Variants in ERBB4 observed in about 807,000 individuals in gnomAD.
The protein encoded by ERBB4 is receptor tyrosine-protein kinase erbB-4.
Under a neutral mutation model 158.0 loss-of-function variants are expected in ERBB4, and 42 were observed. That is an observed-to-expected ratio of 0.27 (90% confidence interval 0.21 to 0.34). The LOEUF is 0.34. ERBB4 is among the 10% of genes least tolerant of loss of function. The probability of loss-of-function intolerance (pLI) is 1.00; values close to 1 mark genes in which losing one functional copy is unlikely to be tolerated. For synonymous variants in ERBB4, 583 were observed against 558.7 expected, an observed-to-expected ratio of 1.04 and a Z score of -0.61; for missense variants, 1,333 against 1,624.1, an observed-to-expected ratio of 0.82 and a Z score of 3.08.
chr2:211,638,232 G>A (rs1211345800), intron 16 of ERBB4, among the ~76,000 whole-genome samples: 1 of 151,734 alleles, frequency 6.6e-6, no homozygotes, highest in Non-Finnish European at 1.5e-5. Context: ...TTATTACAGT[G>A]ACAGTACCTA....
chr2:212,240,304 T>C (rs1321542916), intron 1 of ERBB4, among the ~76,000 whole-genome samples: 1 of 152,016 alleles, frequency 6.6e-6, no homozygotes, highest in Non-Finnish European at 1.5e-5. Flanking sequence ...AACACACTTA[T>C]TGGAGAGGTG....
intron 2 of ERBB4, among the ~76,000 whole-genome samples, chr2:212,032,098 G>A (rs543620062): frequency 6.6e-6 from 1 of 152,174 alleles, no homozygotes; most frequent in East Asian, 1.9e-4. Flanking sequence ...ATTAATGAAA[G>A]TGTACAATTT....
At chr2:211,616,856 A>G (rs1413929394) in intron 19 of ERBB4, among the ~76,000 whole-genome samples, 1 of 152,116 alleles carries the variant, frequency 6.6e-6, no homozygotes, top group Non-Finnish European at 1.5e-5. Flanking sequence ...TATTTTCTTT[A>G]ACTTTTTTTA....
At chr2:211,672,804 A>C (rs1201344542) in intron 14 of ERBB4, among the ~76,000 whole-genome samples, 1 of 152,180 alleles carries the variant, frequency 6.6e-6, no homozygotes, top group Non-Finnish European at 1.5e-5. Context: ...CCAAAGACAG[A>C]ATTAGTTTTT....
At chr2:212,374,658 G>A (rs1239806304) in intron 1 of ERBB4, among the ~76,000 whole-genome samples, 1 of 151,888 alleles carries the variant, frequency 6.6e-6, no homozygotes, top group African/African-American at 2.4e-5. Context: ...AAGAACTAGA[G>A]TGCCATAAGA....
intron 20 of ERBB4, among the ~76,000 whole-genome samples, chr2:211,509,256 A>T (rs1221030922): frequency 6.6e-6 from 1 of 152,052 alleles, no homozygotes; most frequent in Non-Finnish European, 1.5e-5. Context: ...AACCTAGATG[A>T]TGGGTTGATA....
At chr2:212,119,117 C>T (rs1575660217) in intron 2 of ERBB4, among the ~76,000 whole-genome samples, 1 of 152,080 alleles carries the variant, frequency 6.6e-6, no homozygotes, top group African/African-American at 2.4e-5. Flanking sequence ...ATCCATGCAT[C>T]AACTGTTAAA....
rs2125847098 is a variant in ERBB4, at chr2:211,619,201, G to A, written c.2277C>T (p.Pro759=). 1.2e-6 allele frequency: 2 copies of A among 1,609,450 alleles called. No homozygotes were observed. Among genetic ancestry groups the A allele is most frequent in the South Asian group, 1.1e-5 (1 of 90,998 alleles). ...CATCCATGAACTCCACATTTGCCTT[G>A]GGACCAGTTGTCTCATTAAGAATCT... is the stretch of plus-strand genomic sequence containing the variant. ...AIKILNETTG[P]KANVEFMDEA... Residue 759 remains proline, a synonymous_variant, in exon 19 of 28, where the codon CCC becomes CCT. Coordinates refer to ENST00000342788, the MANE Select transcript of ERBB4 (RefSeq NM_005235.3).
chr2:212,146,196 T>G (rs1336454966), intron 1 of ERBB4, among the ~76,000 whole-genome samples: 1 of 152,244 alleles, frequency 6.6e-6, no homozygotes, highest in African/African-American at 2.4e-5. Flanking sequence ...AAATATTTAG[T>G]GTTTCAGTTA....
chr2:211,527,333 A>G (rs1416708975), intron 20 of ERBB4, among the ~76,000 whole-genome samples: 3 of 152,134 alleles, frequency 2.0e-5, no homozygotes, highest in Non-Finnish European at 4.4e-5. Flanking sequence ...TTTAGCCTAG[A>G]ATAGTATATC....
intron 3 of ERBB4, among the ~76,000 whole-genome samples, chr2:211,848,809 T>C (rs1040354199): frequency 6.6e-6 from 1 of 152,050 alleles, no homozygotes; most frequent in Non-Finnish European, 1.5e-5. Context: ...GTGTAATGCA[T>C]GAATAACAAA....
At chr2:212,336,374 T>A (rs1245471691) in intron 1 of ERBB4, among the ~76,000 whole-genome samples, 1 of 152,040 alleles carries the variant, frequency 6.6e-6, no homozygotes, top group Admixed American at 6.6e-5. Flanking sequence ...GATTTTTCTT[T>A]ACTTTGCCTT....
intron 1 of ERBB4, among the ~76,000 whole-genome samples, chr2:212,386,744 A>G (rs1261692391): frequency 6.6e-6 from 1 of 151,740 alleles, no homozygotes; most frequent in Non-Finnish European, 1.5e-5. Context: ...TAAGCTCACT[A>G]CCCTCCTTGT....
chr2:212,510,155 AAT>A lies in ERBB4; in HGVS notation c.82+28292_82+28293del, dbSNP rs1013903891. Among the ~76,000 whole-genome samples the A allele has an allele frequency of 2.1e-3, 299 of 144,490 alleles. 5 individuals are homozygous for A. The highest frequency in any genetic ancestry group is 0.011 in the South Asian group (50 of 4,598). The allele number at this position is 144,490 out of a possible 152,430, so 94.8% of individuals were successfully genotyped here. A position where few individuals can be genotyped will look rare whatever the true frequency, so the allele number is the denominator to read the frequency against. On this transcript the variant is annotated intron_variant, in intron 1 of 27. Coordinates refer to ENST00000342788, the MANE Select transcript of ERBB4 (RefSeq NM_005235.3). ...ATGTGTGTGTATATATATACATATA[AAT>A]ATATATATATATAAAAGCCTAAAAA...
chr2:211,520,846 A>G (rs1454591489), intron 20 of ERBB4, among the ~76,000 whole-genome samples: 2 of 152,066 alleles, frequency 1.3e-5, no homozygotes, highest in East Asian at 1.9e-4. Context: ...TATTATATCT[A>G]TTATGGTTAT....
At chr2:211,780,496 T>G (rs1435958213) in intron 4 of ERBB4, among the ~76,000 whole-genome samples, 3 of 152,258 alleles carry the variant, frequency 2.0e-5, no homozygotes, top group African/African-American at 7.2e-5. Context: ...GTATTGTGCT[T>G]GCTTCCGTAA....
In ERBB4 at chr2:212,538,740, G is replaced by T; in HGVS notation, c.-210C>A. The T allele has an allele frequency of 5.0e-6, 2 of 399,832 alleles. No homozygotes were observed. Among genetic ancestry groups the T allele is most frequent in the Non-Finnish European group, 8.7e-6 (2 of 231,040 alleles). 24.8% of individuals were successfully genotyped at this position (399,832 alleles called of 1,614,324 possible). ...GGGCCCGAGGAGGGGGCGAGTGTGA[G>T]CGCGTGTGTGCGCGTGTGGGAGTGT... On this transcript the variant is annotated 5_prime_UTR_variant, in exon 1 of 28. Coordinates refer to ENST00000342788, the MANE Select transcript of ERBB4 (RefSeq NM_005235.3).
chr2:212,496,792 A>G (rs1301201933), intron 1 of ERBB4, among the ~76,000 whole-genome samples: 4 of 152,124 alleles, frequency 2.6e-5, no homozygotes, highest in African/African-American at 9.7e-5. Context: ...AAGAGTTACT[A>G]ATGTTTTTTC....
chr2:211,472,986 C>G (rs888160559), intron 20 of ERBB4, among the ~76,000 whole-genome samples: 18 of 151,776 alleles, frequency 1.2e-4, no homozygotes, highest in Non-Finnish European at 1.9e-4. Context: ...ACCTCTGCCT[C>G]CCCCAGGGAT....
Sources: allele counts gnomAD v4.1 joint callset (sites outside exome capture counted in the v4.1 genomes callset), GRCh38; gene constraint gnomAD v4.1.1; transcripts MANE v1.5; gene names NCBI Gene and HGNC (gene_info 2026-07-23, HGNC 2026-07-21).